ADGRL2: variants seen among roughly 807,000 people sequenced by gnomAD.
The protein encoded by ADGRL2 is adhesion G protein-coupled receptor L2.
A neutral mutation model predicts 157.4 loss-of-function variants in ADGRL2; 44 were observed. That is an observed-to-expected ratio of 0.28 (90% confidence interval 0.22 to 0.36). The LOEUF (loss-of-function observed/expected upper bound fraction) is 0.36, where lower values mean the gene tolerates loss of function less well. Among genes scored for constraint, ADGRL2 ranks in the 10% least tolerant of loss-of-function variants. The pLI is 1.00. For missense variants in ADGRL2, 1,510 were observed against 1,768.9 expected (o/e 0.85, Z 2.63); for synonymous variants, 585 against 624.7 (o/e 0.94, Z 0.95).
At chr1:81,473,072 AGAGG>A (rs948121454) in intron 2 of ADGRL2, among the ~76,000 whole-genome samples, 15 of 33,920 alleles carry the variant, frequency 4.4e-4, no homozygotes, top group African/African-American at 7.2e-4. Context: ...AATTAGAGAT[AGAGG>A]GAGGGAGGAG....
At chr1:81,603,781 C>A (rs2081379431) in intron 3 of ADGRL2, among the ~76,000 whole-genome samples, 1 of 152,110 alleles carries the variant, frequency 6.6e-6, no homozygotes, top group Non-Finnish European at 1.5e-5. Flanking sequence ...AAAGGCTCTG[C>A]CATTAAAGGC....
At chr1:81,808,244 C>G (rs1029960897) in intron 1 of ADGRL2, among the ~76,000 whole-genome samples, 5 of 151,796 alleles carry the variant, frequency 3.3e-5, no homozygotes, top group African/African-American at 9.7e-5. Context: ...TAAGTTTGTT[C>G]AATTACCAGA....
At chr1:81,309,149 C>A (rs563728612) in intron 1 of ADGRL2, among the ~76,000 whole-genome samples, 5 of 152,072 alleles carry the variant, frequency 3.3e-5, no homozygotes, top group Admixed American at 6.6e-5. Flanking sequence ...AAATGATGTG[C>A]GTCATCAGCA....
intron 2 of ADGRL2, among the ~76,000 whole-genome samples, chr1:81,580,093 C>T (rs1570558744): frequency 6.6e-6 from 1 of 152,006 alleles, no homozygotes; most frequent in Non-Finnish European, 1.5e-5. Context: ...ATAAGGGGCT[C>T]GTTTGTGGTT....
chr1:81,335,043 A>T (rs1317738000), intron 1 of ADGRL2, among the ~76,000 whole-genome samples: 1 of 152,180 alleles, frequency 6.6e-6, no homozygotes, highest in African/African-American at 2.4e-5. Context: ...TAACCATCAC[A>T]AATTCCTCCT....
At chr1:81,366,524 T>G (rs2076069703) in intron 1 of ADGRL2, among the ~76,000 whole-genome samples, 1 of 152,156 alleles carries the variant, frequency 6.6e-6, no homozygotes, top group Non-Finnish European at 1.5e-5. Context: ...CTTGCTATCT[T>G]TATGCTTTTC....
At chr1:81,351,104 G>A (rs1012493948) in intron 1 of ADGRL2, among the ~76,000 whole-genome samples, 1 of 152,130 alleles carries the variant, frequency 6.6e-6, no homozygotes, top group African/African-American at 2.4e-5. Flanking sequence ...CCTTTTAAGG[G>A]TCGCTTAGCA....
chr1:81,828,291 CTG>C, intron 1 of ADGRL2, among the ~76,000 whole-genome samples: 1 of 152,290 alleles, frequency 6.6e-6, no homozygotes, highest in African/African-American at 2.4e-5. Flanking sequence ...TCTGATCTGA[CTG>C]TCTCAATCTG....
At chr1:81,846,144 G>A (rs575416511) in intron 2 of ADGRL2, among the ~76,000 whole-genome samples, 181 of 151,798 alleles carry the variant, frequency 1.2e-3, no homozygotes, top group African/African-American at 4.0e-3. Flanking sequence ...AACCAACACA[G>A]TAGTTGAAGT....
intron 1 of ADGRL2, among the ~76,000 whole-genome samples, chr1:81,351,421 G>T (rs1662876585): frequency 6.6e-6 from 1 of 152,162 alleles, no homozygotes; most frequent in South Asian, 2.1e-4. Context: ...ATGAAAATAA[G>T]TCAATCCAAT....
At chr1:81,389,099 A>C (rs1296367319) in intron 1 of ADGRL2, among the ~76,000 whole-genome samples, 1 of 152,146 alleles carries the variant, frequency 6.6e-6, no homozygotes, top group African/African-American at 2.4e-5. Context: ...TGTCCTGTAG[A>C]CTTTACTATA....
intron 2 of ADGRL2, among the ~76,000 whole-genome samples, chr1:81,853,556 T>C (rs555762334): frequency 1.3e-5 from 2 of 152,328 alleles, no homozygotes; most frequent in South Asian, 4.1e-4. Context: ...TGGAACATTT[T>C]ATTAGGTTTT....
At chr1:81,657,218 A>G (rs1015892037) in intron 3 of ADGRL2, among the ~76,000 whole-genome samples, 1 of 152,106 alleles carries the variant, frequency 6.6e-6, no homozygotes, top group Non-Finnish European at 1.5e-5. Flanking sequence ...TGGAGAGTCA[A>G]TTAAGTCATA....
At chr1:81,772,351 G>T (rs1302868740) in intron 2 of ADGRL2, among the ~76,000 whole-genome samples, 4 of 151,698 alleles carry the variant, frequency 2.6e-5, no homozygotes, top group Admixed American at 2.6e-4. Context: ...ATACAGAAAA[G>T]TTTAACCTGT....
At chr1:81,789,371 G>A (rs1349093289) in intron 2 of ADGRL2, among the ~76,000 whole-genome samples, 1 of 152,156 alleles carries the variant, frequency 6.6e-6, no homozygotes, top group Admixed American at 6.5e-5. Flanking sequence ...ATAAAATGAT[G>A]TTTAGTATAA....
At chr1:81,800,625 C>A (rs866596829), upstream of ADGRL2, 1 of 152,130 alleles carries the variant, frequency 6.6e-6, no homozygotes, top group Non-Finnish European at 1.5e-5. Flanking sequence ...CGCTCAGCCT[C>A]GGAGCGCCGC....
intron 1 of ADGRL2, among the ~76,000 whole-genome samples, chr1:81,420,715 G>A (rs905745322): frequency 1.3e-5 from 2 of 152,064 alleles, no homozygotes; most frequent in African/African-American, 4.8e-5. Flanking sequence ...TTCAGTTGTC[G>A]TGCTTAGGGT....
rs1171880223 is a variant in ADGRL2, at chr1:81,969,194, A to G, written c.2540A>G (p.His847Arg). The G allele has an allele frequency of 6.2e-7, 1 of 1,613,414 alleles. No individual in the cohort carries two copies. Among genetic ancestry groups the G allele is most frequent in the Non-Finnish European group, 8.5e-7 (1 of 1,179,414 alleles). ...TATTTTCAGTATAAAGATGGCGTTC[A>G]TGAATTACTTCTTACAGTCATCACC... is the stretch of plus-strand genomic sequence containing the variant. ...HREIAYKDGVHELLLTVITWV... is the reference protein window; with the variant it reads ...HREIAYKDGVRELLLTVITWV... Residue 847 changes from histidine (H) to arginine (R), a missense_variant, in exon 15 of 24, where the codon CAT becomes CGT. This residue lies in a region of ADGRL2 where 497 missense variants were observed against 627.2 expected (regional missense o/e 0.79). Transcript: ENST00000686636.
At chr1:81,649,018 A>T (rs922411856) in intron 3 of ADGRL2, among the ~76,000 whole-genome samples, 1 of 152,182 alleles carries the variant, frequency 6.6e-6, no homozygotes, top group Non-Finnish European at 1.5e-5. Context: ...CAGGGTGGTG[A>T]AGGCAAGCCA....
Sources: allele counts gnomAD v4.1 joint callset (sites outside exome capture counted in the v4.1 genomes callset), GRCh38; gene constraint gnomAD v4.1.1; regional missense constraint gnomAD v4.1.1; transcripts MANE v1.5; gene names NCBI Gene and HGNC (gene_info 2026-07-23, HGNC 2026-07-21).